CCDC85A: variants seen among roughly 807,000 people sequenced by gnomAD.
CCDC85A encodes coiled-coil domain containing 85A, also known as coiled-coil domain-containing protein 85A.
In CCDC85A, 38 loss-of-function variants were observed where a neutral mutation model predicts 50.2. That is an observed-to-expected ratio of 0.76 (90% CI 0.58 to 0.99). CCDC85A has a LOEUF of 0.99. Among genes scored for constraint, CCDC85A ranks in the 50% least tolerant of loss-of-function variants. The pLI, the probability that CCDC85A is intolerant of heterozygous loss-of-function variation, is 0.00. For synonymous variants in CCDC85A, 366 were observed against 301.4 expected (o/e 1.21, Z -2.22); for missense variants, 820 against 742.0 (o/e 1.11, Z -1.22).
chr2:56,314,160 G>A (rs1672816875), intron 2 of CCDC85A, among the ~76,000 whole-genome samples: 1 of 150,316 alleles, frequency 6.7e-6, no homozygotes, highest in African/African-American at 2.5e-5. Flanking sequence ...GCCATAGTGG[G>A]AGGGTGGAAG....
At chr2:56,227,168 C>T (rs1668577996) in intron 2 of CCDC85A, among the ~76,000 whole-genome samples, 1 of 152,020 alleles carries the variant, frequency 6.6e-6, no homozygotes, top group Non-Finnish European at 1.5e-5. Flanking sequence ...TGTAAAAACC[C>T]ACTGATTTGA....
chr2:56,360,169 G>GATT (rs1157097723), intron 3 of CCDC85A, among the ~76,000 whole-genome samples: 1 of 152,136 alleles, frequency 6.6e-6, no homozygotes, highest in Non-Finnish European at 1.5e-5. Flanking sequence ...TTTTAAAAAA[G>GATT]ATTAACCAAA....
At chr2:56,200,674 G>A (rs1676696202) in intron 2 of CCDC85A, among the ~76,000 whole-genome samples, 1 of 152,196 alleles carries the variant, frequency 6.6e-6, no homozygotes, top group African/African-American at 2.4e-5. Flanking sequence ...AATGGCAGAG[G>A]AGTAGCAGGT....
chr2:56,201,599 C>G (rs1676751512), intron 2 of CCDC85A, among the ~76,000 whole-genome samples: 1 of 151,960 alleles, frequency 6.6e-6, no homozygotes, highest in Non-Finnish European at 1.5e-5. Flanking sequence ...ATTGCTAGTT[C>G]TTAAAAAATG....
chr2:56,315,157 A>C (rs1672865298), intron 2 of CCDC85A, among the ~76,000 whole-genome samples: 2 of 152,150 alleles, frequency 1.3e-5, no homozygotes, highest in African/African-American at 4.8e-5. Flanking sequence ...TTTACAAATA[A>C]ACTTTTGGAA....
intron 2 of CCDC85A, among the ~76,000 whole-genome samples, chr2:56,279,636 A>G (rs1005007436): frequency 2.6e-5 from 4 of 152,128 alleles, no homozygotes; most frequent in Non-Finnish European, 4.4e-5. Flanking sequence ...TATGAGATCA[A>G]CTTTTTTAGA....
intron 3 of CCDC85A, among the ~76,000 whole-genome samples, chr2:56,362,910 A>G (rs1444358881): frequency 6.6e-6 from 1 of 152,100 alleles, no homozygotes; most frequent in South Asian, 2.1e-4. Context: ...GGTGTGAGCC[A>G]TTGCTCCCGG....
intron 2 of CCDC85A, among the ~76,000 whole-genome samples, chr2:56,249,151 G>T (rs1475864839): frequency 2.0e-5 from 3 of 152,312 alleles, no homozygotes; most frequent in Middle Eastern, 3.4e-3. Context: ...TAGCGGTCTG[G>T]ACAATCCATT....
chr2:56,322,699 C>A (rs533992431), intron 2 of CCDC85A, among the ~76,000 whole-genome samples: 1 of 152,140 alleles, frequency 6.6e-6, no homozygotes. Context: ...GTTGGTGGGA[C>A]TGTAAACTAG....
In CCDC85A at chr2:56,332,379, A is replaced by G. The variant is rs568840965; in HGVS notation, c.1241-10500A>G. 1.8e-3 allele frequency among the ~76,000 whole-genome samples: 273 copies of G among 152,296 alleles called. 7 individuals carry two copies. Among genetic ancestry groups the G allele is most frequent in the Admixed American group, 2.4e-3 (36 of 15,302 alleles). On this transcript the variant is annotated intron_variant, in intron 2 of 5. Transcript: ENST00000407595. ...TTGAAGGTTGGAAAGTCCAAGACGC[A>G]GGCACCCATAGATTTGGTGTCTGGT... is the stretch of plus-strand genomic sequence containing the variant.
intron 3 of CCDC85A, among the ~76,000 whole-genome samples, chr2:56,350,835 C>G (rs1478596102): frequency 7.4e-6 from 1 of 134,250 alleles, no homozygotes; most frequent in African/African-American, 2.8e-5. Context: ...TTTTCAGTTT[C>G]TTTTTTATTT....
At chr2:56,256,011 A>C (rs1669969613) in intron 2 of CCDC85A, among the ~76,000 whole-genome samples, 1 of 152,116 alleles carries the variant, frequency 6.6e-6, no homozygotes, top group Non-Finnish European at 1.5e-5. Flanking sequence ...AGATGAACAG[A>C]TGTACATATC....
chr2:56,251,320 A>T (rs1040373275), intron 2 of CCDC85A, among the ~76,000 whole-genome samples: 57 of 152,254 alleles, frequency 3.7e-4, no homozygotes, highest in African/African-American at 1.3e-3. Flanking sequence ...GAACACATGG[A>T]TGTATTATCT....
rs531757553 is a variant in CCDC85A at position 56,329,872 on chromosome 2, G to A, written c.1241-13007G>A. Among the ~76,000 whole-genome samples the A allele has an allele frequency of 3.4e-5, 5 of 146,770 alleles. No homozygotes were observed. The South Asian group carries it at 6.5e-4, about 19-fold the overall frequency. On this transcript the variant is annotated intron_variant, in intron 2 of 5. Coordinates refer to ENST00000407595, the MANE Select transcript of CCDC85A (RefSeq NM_001080433.2). ...CATTTAAATATGCATAAAAAGGCACGCTAATTGTCCTAAGAGAAAATAACA... is the reference window on the plus strand; with the variant it reads ...CATTTAAATATGCATAAAAAGGCACACTAATTGTCCTAAGAGAAAATAACA...
intron 2 of CCDC85A, among the ~76,000 whole-genome samples, chr2:56,280,308 T>C (rs1549031): frequency 0.11 from 17,449 of 152,224 alleles, 1,145 homozygotes; most frequent in Admixed American, 0.17. Flanking sequence ...AACCTTGGCT[T>C]TTTAATCCAT....
At chr2:56,270,719 G>A (rs1226441883) in intron 2 of CCDC85A, among the ~76,000 whole-genome samples, 1 of 152,146 alleles carries the variant, frequency 6.6e-6, no homozygotes, top group African/African-American at 2.4e-5. Context: ...CTTTGCGTGT[G>A]CAGTTGAAGG....
chr2:56,373,549 C>G (rs924328510), intron 4 of CCDC85A, among the ~76,000 whole-genome samples: 1 of 152,084 alleles, frequency 6.6e-6, no homozygotes, highest in Non-Finnish European at 1.5e-5. Flanking sequence ...CATGCCCAAG[C>G]AAAAGGATGG....
intron 2 of CCDC85A, among the ~76,000 whole-genome samples, chr2:56,223,564 A>G (rs943613097): frequency 1.3e-5 from 2 of 152,186 alleles, no homozygotes; most frequent in Admixed American, 1.3e-4. Context: ...CATGTTTGAT[A>G]CAATAATCAC....
intron 1 of CCDC85A, among the ~76,000 whole-genome samples, chr2:56,191,906 T>C (rs1245762938): frequency 2.0e-5 from 3 of 152,214 alleles, no homozygotes; most frequent in African/African-American, 7.2e-5. Context: ...TGTTGAAAGG[T>C]CTGTTGTCTC....
Sources: allele counts gnomAD v4.1 joint callset (sites outside exome capture counted in the v4.1 genomes callset), GRCh38; gene constraint gnomAD v4.1.1; transcripts MANE v1.5; gene names NCBI Gene and HGNC (gene_info 2026-07-23, HGNC 2026-07-21).